LAMA2: variants seen among roughly 807,000 people sequenced by gnomAD.
LAMA2 encodes laminin subunit alpha-2.
A neutral mutation model predicts 364.8 loss-of-function variants in LAMA2; 269 were observed. The ratio of observed to expected loss-of-function variants is 0.74; its 90% CI spans 0.67 to 0.82. LAMA2 has a LOEUF of 0.82. Among genes scored for constraint, LAMA2 ranks in the 40% least tolerant of loss-of-function variants. The pLI, the probability that LAMA2 is intolerant of heterozygous loss-of-function variation, is 0.00. For missense variants in LAMA2, 3,807 were observed against 3,873.2 expected (o/e 0.98, Z 0.45); for synonymous variants, 1,379 against 1,370.6 (o/e 1.01, Z -0.14).
At chr6:129,242,016 A>G (rs1042799695) in intron 12 of LAMA2, among the ~76,000 whole-genome samples, 4 of 152,146 alleles carry the variant, frequency 2.6e-5, no homozygotes, top group African/African-American at 9.7e-5. Context: ...GTTGTCTGCT[A>G]TTTCAAAATG....
intron 33 of LAMA2, 135 bp from the exon 34 acceptor site, chr6:129,369,757 G>A: frequency 2.6e-6 from 2 of 760,486 alleles, no homozygotes; most frequent in Admixed American, 4.0e-5. Flanking sequence ...TAAGTGCCCA[G>A]TTGAAATAGT....
chr6:129,076,190 G>A (rs1293947129), intron 3 of LAMA2, among the ~76,000 whole-genome samples: 3 of 151,660 alleles, frequency 2.0e-5, no homozygotes, highest in African/African-American at 7.3e-5. Context: ...GTACTTAACA[G>A]TAAAGGCCTG....
chr6:129,502,898 C>T, intron 59 of LAMA2, 127 bp downstream of exon 59: 1 of 860,536 alleles, frequency 1.2e-6, no homozygotes, highest in Non-Finnish European at 1.9e-6. Flanking sequence ...TCACTGAGTA[C>T]AATAGAGAAT....
intron 18 of LAMA2, among the ~76,000 whole-genome samples, chr6:129,286,971 A>AG (rs1789288680): frequency 3.7e-3 from 2 of 534 alleles, no homozygotes; most frequent in Non-Finnish European, 0.043. Flanking sequence ...GAAAGAAAGA[A>AG]ACAGAGAGGA....
At position 129,349,323 on chromosome 6, in the gene LAMA2, G is replaced by A. The variant is rs200961385; in HGVS notation, c.4462G>A (p.Gly1488Arg). The change falls in exon 31 of 65, where the codon GGA (glycine) becomes AGA (arginine). Residue 1488 changes from glycine to arginine, a missense_variant. By Grantham distance (125) the Gly-to-Arg change is moderately radical. Coordinates refer to ENST00000421865, the MANE Select transcript of LAMA2 (RefSeq NM_000426.4). ...TTTCAGCCCCTCTTGTGTCGCAGAA[G>A]GACTTGACGACTACCGCTGCACGGC... ...NNFSPSCVAE[G>R]LDDYRCTACP... The A allele has an allele frequency of 6.0e-5, 97 of 1,613,392 alleles. No homozygotes were observed. The highest frequency in any genetic ancestry group is 3.3e-5 in the South Asian group (3 of 91,082).
intron 1 of LAMA2, among the ~76,000 whole-genome samples, chr6:128,974,394 A>T (rs183176450): frequency 4.9e-4 from 74 of 152,344 alleles, no homozygotes; most frequent in African/African-American, 1.5e-3. Context: ...TCAAACACTC[A>T]GACCTATTAG....
intron 59 of LAMA2, 100 bp downstream of exon 59, chr6:129,502,871 G>A (rs978667804): frequency 1.4e-5 from 13 of 919,120 alleles, no homozygotes; most frequent in Non-Finnish European, 2.3e-5. Context: ...AATTAATGAA[G>A]TTAGCTTTTC....
intron 1 of LAMA2, among the ~76,000 whole-genome samples, chr6:128,900,690 A>G (rs543094010): frequency 1.3e-5 from 2 of 152,378 alleles, no homozygotes; most frequent in Non-Finnish European, 2.9e-5. Context: ...TAGGAGTTTA[A>G]CAGCTATTTA....
chr6:129,515,853 A>G (rs1248124671), intron 64 of LAMA2, among the ~76,000 whole-genome samples: 1 of 152,166 alleles, frequency 6.6e-6, no homozygotes, highest in Non-Finnish European at 1.5e-5. Context: ...CACTTTGGGC[A>G]TAGATGGGGA....
intron 12 of LAMA2, among the ~76,000 whole-genome samples, chr6:129,204,477 GAA>G (rs11423987): frequency 6.8e-5 from 9 of 131,582 alleles, no homozygotes; most frequent in Admixed American, 4.7e-4. Context: ...GTATCCTTAT[GAA>G]AAAAAAAAAA....
At chr6:129,492,620 C>A in intron 58 of LAMA2, 137 bp downstream of exon 58, 2 of 766,858 alleles carry the variant, frequency 2.6e-6, no homozygotes, top group Non-Finnish European at 4.3e-6. Flanking sequence ...TAAACCTATT[C>A]TTACATCTTC....
At chr6:128,906,895 C>A (rs1777514655) in intron 1 of LAMA2, among the ~76,000 whole-genome samples, 1 of 151,334 alleles carries the variant, frequency 6.6e-6, no homozygotes, top group Admixed American at 6.6e-5. Context: ...AATAGGGAAT[C>A]CTTTCCCCAT....
chr6:129,175,526 TC>T (rs1780525530), intron 9 of LAMA2, among the ~76,000 whole-genome samples: 1 of 152,248 alleles, frequency 6.6e-6, no homozygotes, highest in Non-Finnish European at 1.5e-5. Flanking sequence ...TACATAGCTC[TC>T]CATTTTTATA....
chr6:129,210,629 G>T (rs918791736), intron 12 of LAMA2, among the ~76,000 whole-genome samples: 5 of 152,138 alleles, frequency 3.3e-5, no homozygotes, highest in Non-Finnish European at 5.9e-5. Context: ...TAACAGTTTC[G>T]CTGTTTGAGC....
intron 40 of LAMA2, among the ~76,000 whole-genome samples, chr6:129,409,690 G>T (rs1019528084): frequency 2.6e-5 from 4 of 152,304 alleles, no homozygotes; most frequent in African/African-American, 9.6e-5. Context: ...ACCTCTAGGA[G>T]TCACCTATGG....
chr6:129,241,188 T>C (rs1044787249), intron 12 of LAMA2, among the ~76,000 whole-genome samples: 4 of 152,222 alleles, frequency 2.6e-5, no homozygotes, highest in African/African-American at 9.6e-5. Flanking sequence ...TGAAGTGATA[T>C]ATGGTGTTGA....
intron 12 of LAMA2, among the ~76,000 whole-genome samples, chr6:129,221,912 G>A (rs1001045696): frequency 1.3e-5 from 2 of 152,188 alleles, no homozygotes; most frequent in African/African-American, 2.4e-5. Context: ...ACAGGTATAC[G>A]TGATAATATG....
intron 3 of LAMA2, among the ~76,000 whole-genome samples, chr6:129,062,977 T>C (rs1268702449): frequency 6.6e-6 from 1 of 151,772 alleles, no homozygotes; most frequent in East Asian, 1.9e-4. Context: ...AGCAATTTGT[T>C]TGGAAGAAAG....
chr6:129,182,306 C>A (rs536164519), intron 10 of LAMA2, among the ~76,000 whole-genome samples: 2 of 150,782 alleles, frequency 1.3e-5, no homozygotes, highest in African/African-American at 4.8e-5. Flanking sequence ...TAATTAGTAC[C>A]ACAATTTAGG....
Sources: gnomAD v4.1 joint callset for allele counts (sites outside exome capture counted in the v4.1 genomes callset) on GRCh38, gnomAD v4.1.1 for gene constraint, MANE v1.5 for transcripts, NCBI Gene and HGNC (gene_info 2026-07-23, HGNC 2026-07-21) for gene names.